NIPSNAP3A: variants seen among roughly 807,000 people sequenced by gnomAD.
NIPSNAP3A encodes protein NipSnap homolog 3A.
NIPSNAP3A carries 27 observed loss-of-function variants against 32.3 expected under a neutral mutation model. That is an observed-to-expected ratio of 0.84 (90% confidence interval 0.62 to 1.15). The LOEUF (loss-of-function observed/expected upper bound fraction) is 1.15, where lower values mean the gene tolerates loss of function less well. Among genes scored for constraint, NIPSNAP3A ranks in the 50% most tolerant of loss-of-function variants. The probability of loss-of-function intolerance (pLI) is 0.00; values close to 1 mark genes in which losing one functional copy is unlikely to be tolerated. For missense variants in NIPSNAP3A, 278 were observed against 297.2 expected, an observed-to-expected ratio of 0.94 and a Z score of 0.48; for synonymous variants, 108 against 107.3, an observed-to-expected ratio of 1.01 and a Z score of -0.04.
intron 3 of NIPSNAP3A, chr9:104,753,743 G>A (rs969049296): frequency 4.6e-5 from 7 of 152,298 alleles, no homozygotes; most frequent in African/African-American, 1.4e-4. Context: ...CAACTTTGTA[G>A]TGTATTTAGG....
chr9:104,759,497 G>A lies in NIPSNAP3A; in HGVS notation c.*159G>A, dbSNP rs1422849935. On this transcript the variant is annotated 3_prime_UTR_variant, in exon 6 of 6. Transcript: ENST00000374767. The stretch of plus-strand genomic sequence containing the variant: ...TGAAGGCTACATCTGTGCTTTGTAA[G>A]TACCACTTCAAAAAATAGTTCTGTT... The A allele has an allele frequency of 4.5e-6, 3 of 669,064 alleles. No homozygotes were observed. In the African/African-American group the frequency reaches 5.4e-5, roughly 12 times the overall value. 41.4% of individuals were successfully genotyped at this position (669,064 alleles called of 1,614,324 possible).
intron 2 of NIPSNAP3A, among the ~76,000 whole-genome samples, chr9:104,751,877 G>C (rs536714209): frequency 6.6e-6 from 1 of 152,136 alleles, no homozygotes; most frequent in Non-Finnish European, 1.5e-5. Context: ...TAAGTTACAA[G>C]AATGCCCAGA....
intron 1 of NIPSNAP3A, 107 bp downstream of exon 1, chr9:104,747,959 GC>G: frequency 8.4e-7 from 1 of 1,184,024 alleles, no homozygotes; most frequent in Non-Finnish European, 1.2e-6. Context: ...TCCGCCACGC[GC>G]GCCCAGACCT....
At position 104,753,020 on chromosome 9, in the gene NIPSNAP3A, C is replaced by G; in HGVS notation, c.386C>G (p.Thr129Ser). Residue 129 changes from threonine (T) to serine (S), a missense_variant, in exon 3 of 6, where the codon ACT (threonine) becomes AGT (serine). Coordinates refer to ENST00000374767, the MANE Select transcript of NIPSNAP3A (RefSeq NM_015469.3). Reference protein sequence around the residue: ...ALIDKQESEITYLVPWCKLEK... With the variant: ...ALIDKQESEISYLVPWCKLEK... ...ATTGATAAACAAGAGAGTGAGATTA[C>G]TTATCTGGTACCATGGTGCAAATTA... The G allele has an allele frequency of 6.2e-7, 1 of 1,613,366 alleles. No individual in the cohort carries two copies. The highest frequency in any genetic ancestry group is 1.3e-5 in the African/African-American group (1 of 75,000).
At chr9:104,758,390 G>A (rs1827929882) in intron 4 of NIPSNAP3A, among the ~76,000 whole-genome samples, 1 of 151,976 alleles carries the variant, frequency 6.6e-6, no homozygotes, top group Non-Finnish European at 1.5e-5. Flanking sequence ...TTTGTATAAT[G>A]TAAAATTTTA....
At chr9:104,756,071 T>A (rs1321400734) in intron 4 of NIPSNAP3A, among the ~76,000 whole-genome samples, 2 of 152,184 alleles carry the variant, frequency 1.3e-5, no homozygotes, top group Non-Finnish European at 2.9e-5. Context: ...ATGCAGAAAT[T>A]CAACTTCTTG....
intron 4 of NIPSNAP3A, among the ~76,000 whole-genome samples, chr9:104,755,049 G>A (rs1827890193): frequency 6.6e-6 from 1 of 152,026 alleles, no homozygotes; most frequent in African/African-American, 2.4e-5. Flanking sequence ...AGACCAGCCT[G>A]GCAAACATGG....
At chr9:104,747,893 G>A (rs1001304344) in intron 1 of NIPSNAP3A, 41 bp downstream of exon 1, 4 of 1,418,160 alleles carry the variant, frequency 2.8e-6, no homozygotes, top group Non-Finnish European at 3.8e-6. Context: ...CCCGACGGGA[G>A]GGGAGGGGCG....
intron 1 of NIPSNAP3A, among the ~76,000 whole-genome samples, 162 bp downstream of exon 1, chr9:104,748,014 CAG>C (rs1243026427): frequency 6.6e-6 from 1 of 152,204 alleles, no homozygotes; most frequent in African/African-American, 2.4e-5. Context: ...AACCCCAAGA[CAG>C]GGGTACCCGG....
Position 104,759,439 on chromosome 9 carries a change from G to T in NIPSNAP3A, c.*101G>T. ...AGGTTCTCACTTTTATTTGAAGGAGGTGTTAAGTTAATTTGCTATGTTTCT... is the reference window on the plus strand; with the variant it reads ...AGGTTCTCACTTTTATTTGAAGGAGTTGTTAAGTTAATTTGCTATGTTTCT... On this transcript the variant is annotated 3_prime_UTR_variant, in exon 6 of 6. Transcript: ENST00000374767. 1.6e-6 allele frequency: 2 copies of T among 1,214,714 alleles called. No individual in the cohort carries two copies. The highest frequency in any genetic ancestry group is 2.4e-6 in the Non-Finnish European group (2 of 840,814). 75.2% of individuals were successfully genotyped at this position (1,214,714 alleles called of 1,614,324 possible).
rs149455884 is a variant in NIPSNAP3A at position 104,751,086 on chromosome 9, C to T, written c.191C>T (p.Thr64Ile). 1 of 1,614,052 alleles carries T rather than the reference C, an allele frequency of 6.2e-7. No homozygotes were observed. Among genetic ancestry groups the T allele is most frequent in the Non-Finnish European group, 8.5e-7 (1 of 1,179,954 alleles). ...ENFEKNAHLR[T>I]AHSELVGYWS... ...TTTGAGAAAAACGCTCATCTTCGGA[C>T]AGCTCACTCTGAATTGGTTGGATAC... The change falls in exon 2 of 6, where the codon ACA (threonine) becomes ATA (isoleucine). Residue 64 changes from threonine (T) to isoleucine (I), a missense_variant. Thr to Ile is a moderately conservative substitution (Grantham distance 89). Transcript: ENST00000374767.
At chr9:104,755,843 A>G (rs111849046) in intron 4 of NIPSNAP3A, among the ~76,000 whole-genome samples, 5,109 of 152,084 alleles carry the variant, frequency 0.034, 191 homozygotes, top group East Asian at 0.22. Flanking sequence ...TGCTTGAGCC[A>G]GGAGTTCAAG....
Position 104,751,176 on chromosome 9 carries a change from C to A in NIPSNAP3A, c.271+10C>A. On this transcript the variant is annotated intron_variant, in intron 2 of 5. Coordinates refer to ENST00000374767, the MANE Select transcript of NIPSNAP3A (RefSeq NM_015469.3). Reference sequence around the variant, plus strand: ...CATATTTGGAAGTATGGTAAAGAGTCATCCAATTTTGGCTTTCAGTATAGA... The same window carrying A: ...CATATTTGGAAGTATGGTAAAGAGTAATCCAATTTTGGCTTTCAGTATAGA... 6.2e-7 allele frequency: 1 copy of A among 1,609,754 alleles called. No homozygotes were observed. Among genetic ancestry groups the A allele is most frequent in the South Asian group, 1.1e-5 (1 of 90,850 alleles).
At chr9:104,750,036 C>T (rs921230291) in intron 1 of NIPSNAP3A, among the ~76,000 whole-genome samples, 50 of 152,250 alleles carry the variant, frequency 3.3e-4, no homozygotes, top group African/African-American at 1.0e-3. Flanking sequence ...TGGTTTACTT[C>T]ATTGAATTAG....
In NIPSNAP3A at chr9:104,759,498, T is replaced by A. The variant is rs1827948094; in HGVS notation, c.*160T>A. 4.5e-6 allele frequency: 3 copies of A among 665,214 alleles called. No homozygotes were observed. Among genetic ancestry groups the A allele is most frequent in the Non-Finnish European group, 7.7e-6 (3 of 390,560 alleles). The allele number at this position is 665,214 out of a possible 1,614,324, so 41.2% of individuals were successfully genotyped here. On this transcript the variant is annotated 3_prime_UTR_variant, in exon 6 of 6. Transcript: ENST00000374767. ...GAAGGCTACATCTGTGCTTTGTAAGTACCACTTCAAAAAATAGTTCTGTTT... is the reference window on the plus strand; with the variant it reads ...GAAGGCTACATCTGTGCTTTGTAAGAACCACTTCAAAAAATAGTTCTGTTT...
intron 3 of NIPSNAP3A, chr9:104,754,225 C>T: frequency 5.8e-6 from 1 of 173,156 alleles, no homozygotes; most frequent in East Asian, 1.5e-4. Context: ...TTTTGCAGCT[C>T]AAAATTCTAT....
Position 104,759,486 on chromosome 9 carries a change from G to GTGCTT in NIPSNAP3A, c.*151_*155dup. The GTGCTT allele has an allele frequency of 1.3e-6, 1 of 742,106 alleles. No homozygotes were observed. The highest frequency in any genetic ancestry group is 2.2e-6 in the Non-Finnish European group (1 of 449,128). The allele number at this position is 742,106 out of a possible 1,614,324, so 46.0% of individuals were successfully genotyped here. A position where few individuals can be genotyped will look rare whatever the true frequency, so the allele number is the denominator to read the frequency against. On this transcript the variant is annotated 3_prime_UTR_variant, in exon 6 of 6. Transcript: ENST00000374767. ...TTCTTGCATTATGAAGGCTACATCT[G>GTGCTT]TGCTTTGTAAGTACCACTTCAAAAA...
chr9:104,759,494 T>C lies in NIPSNAP3A; in HGVS notation c.*156T>C. 1.5e-6 allele frequency: 1 copy of C among 676,998 alleles called. No homozygotes were observed. The highest frequency in any genetic ancestry group is 1.9e-5 in the South Asian group (1 of 53,912). 41.9% of individuals were successfully genotyped at this position (676,998 alleles called of 1,614,324 possible). On this transcript the variant is annotated 3_prime_UTR_variant, in exon 6 of 6. Transcript: ENST00000374767. ...TTATGAAGGCTACATCTGTGCTTTG[T>C]AAGTACCACTTCAAAAAATAGTTCT...
Position 104,747,776 on chromosome 9 carries a change from A to C in NIPSNAP3A, c.-17A>C, listed in dbSNP as rs1827790549. 5 of 1,605,312 alleles carry C rather than the reference A, an allele frequency of 3.1e-6. No individual in the cohort carries two copies. The highest frequency in any genetic ancestry group is 2.2e-5 in the East Asian group (1 of 44,670). On this transcript the variant is annotated 5_prime_UTR_variant, in exon 1 of 6. Transcript: ENST00000374767. ...AAGGACACGGCTGGCTGCTTTTCTCAGCGCCGAAGCCGCGCCATGCTCGTC... is the reference window on the plus strand; with the variant it reads ...AAGGACACGGCTGGCTGCTTTTCTCCGCGCCGAAGCCGCGCCATGCTCGTC...
Sources: gnomAD v4.1 joint callset for allele counts (sites outside exome capture counted in the v4.1 genomes callset) on GRCh38, gnomAD v4.1.1 for gene constraint, MANE v1.5 for transcripts, NCBI Gene and HGNC (gene_info 2026-07-23, HGNC 2026-07-21) for gene names.